The following MAPK10 variants were observed in gnomAD, a reference collection of about 807,000 sequenced individuals.
The protein encoded by MAPK10 is mitogen-activated protein kinase 10.
A neutral mutation model predicts 59.3 loss-of-function variants in MAPK10; 25 were observed. That is an observed-to-expected ratio of 0.42 (90% confidence interval 0.31 to 0.59). The LOEUF (loss-of-function observed/expected upper bound fraction) is 0.59, where lower values mean the gene tolerates loss of function less well. Among genes scored for constraint, MAPK10 ranks in the 20% least tolerant of loss-of-function variants. The pLI is 0.15. For missense variants in MAPK10, 351 were observed against 568.9 expected (o/e 0.62, Z 3.90); for synonymous variants, 190 against 200.5 (o/e 0.95, Z 0.44).
chr4:86,592,390 A>G (rs539740736), intron 1 of MAPK10, among the ~76,000 whole-genome samples: 1 of 152,148 alleles, frequency 6.6e-6, no homozygotes, highest in South Asian at 2.1e-4. Flanking sequence ...AAGAAAAGGA[A>G]AAAAGCTAAC....
intron 13 of MAPK10, chr4:86,020,439 G>A (rs1425802001): frequency 1.3e-5 from 2 of 152,322 alleles, no homozygotes; most frequent in African/African-American, 4.8e-5. Context: ...ATTTCTCTTG[G>A]GTATACACCT....
chr4:86,194,040 C>G (rs1266202842), intron 3 of MAPK10: 2 of 339,354 alleles, frequency 5.9e-6, no homozygotes, highest in Non-Finnish European at 1.1e-5. Flanking sequence ...TGAGGCGACA[C>G]CCCACCCTGC....
intron 1 of MAPK10, among the ~76,000 whole-genome samples, chr4:86,510,612 C>A (rs776039847): frequency 7.3e-5 from 11 of 151,422 alleles, no homozygotes; most frequent in Non-Finnish European, 1.5e-4. Context: ...TATAAATATA[C>A]ATGAATATAT....
At chr4:86,028,885 G>A in intron 13 of MAPK10, 1 of 377,920 alleles carries the variant, frequency 2.6e-6, no homozygotes, top group South Asian at 2.3e-5. Flanking sequence ...TGGTCAAAAG[G>A]GCATTATGGC....
chr4:86,549,957 G>T (rs1486182523), intron 1 of MAPK10, among the ~76,000 whole-genome samples: 1 of 152,110 alleles, frequency 6.6e-6, no homozygotes, highest in South Asian at 2.1e-4. Flanking sequence ...AATTTTTCAG[G>T]CCAGAAAATA....
At chr4:86,070,802 T>C (rs1392821741) in intron 9 of MAPK10, among the ~76,000 whole-genome samples, 1 of 151,930 alleles carries the variant, frequency 6.6e-6, no homozygotes, top group African/African-American at 2.4e-5. Context: ...TGTTGGACAT[T>C]TGGGTTGGTT....
intron 1 of MAPK10, among the ~76,000 whole-genome samples, chr4:86,475,650 G>T (rs1235535620): frequency 6.6e-6 from 1 of 152,144 alleles, no homozygotes; most frequent in East Asian, 1.9e-4. Context: ...ACCACATGGG[G>T]ACGCCTGCCT....
intron 3 of MAPK10, among the ~76,000 whole-genome samples, chr4:86,175,121 A>G (rs1355610808): frequency 1.3e-5 from 2 of 152,204 alleles, no homozygotes; most frequent in Non-Finnish European, 2.9e-5. Flanking sequence ...GAGTAGTAAT[A>G]ATAAATTTTA....
At chr4:86,513,772 A>G (rs1210923739) in intron 1 of MAPK10, among the ~76,000 whole-genome samples, 2 of 152,212 alleles carry the variant, frequency 1.3e-5, no homozygotes, top group African/African-American at 4.8e-5. Context: ...TTTTTGGAGA[A>G]GTATGACTCC....
At chr4:86,345,681 G>T (rs1564585438) in intron 2 of MAPK10, among the ~76,000 whole-genome samples, 1 of 152,022 alleles carries the variant, frequency 6.6e-6, no homozygotes, top group African/African-American at 2.4e-5. Flanking sequence ...TTCTAAACTC[G>T]AACAAACACT....
intron 2 of MAPK10, among the ~76,000 whole-genome samples, chr4:86,295,948 A>G (rs2095351511): frequency 6.6e-6 from 1 of 151,222 alleles, no homozygotes; most frequent in African/African-American, 2.4e-5. Flanking sequence ...GGCCAAAGCA[A>G]GCAGATCACC....
At chr4:86,050,096 T>C (rs1335267129) in intron 11 of MAPK10, among the ~76,000 whole-genome samples, 1 of 152,088 alleles carries the variant, frequency 6.6e-6, no homozygotes, top group African/African-American at 2.4e-5. Flanking sequence ...GGCTGCTTCC[T>C]TTGCCTACCA....
intron 2 of MAPK10, among the ~76,000 whole-genome samples, chr4:86,241,660 G>A (rs542087931): frequency 1.1e-3 from 168 of 152,140 alleles, no homozygotes; most frequent in African/African-American, 3.8e-3. Context: ...TTCTCCTGTT[G>A]TGTTTTTCAA....
intron 3 of MAPK10, among the ~76,000 whole-genome samples, chr4:86,165,357 A>T (rs1321358927): frequency 6.6e-6 from 1 of 151,970 alleles, no homozygotes; most frequent in Non-Finnish European, 1.5e-5. Flanking sequence ...TATGTATCAA[A>T]TTATTTACAT....
At chr4:86,188,739 T>G (rs2078904046) in intron 3 of MAPK10, among the ~76,000 whole-genome samples, 2 of 152,230 alleles carry the variant, frequency 1.3e-5, no homozygotes, top group Admixed American at 1.3e-4. Context: ...CAGAAGCTCT[T>G]TAGTTTAACT....
At chr4:86,411,309 G>T (rs1745143267) in intron 1 of MAPK10, among the ~76,000 whole-genome samples, 1 of 152,180 alleles carries the variant, frequency 6.6e-6, no homozygotes, top group South Asian at 2.1e-4. Context: ...GCTGAGGAGT[G>T]CTTTACTTCC....
intron 1 of MAPK10, among the ~76,000 whole-genome samples, chr4:86,570,717 T>G (rs573323943): frequency 6.6e-6 from 1 of 152,184 alleles, no homozygotes; most frequent in African/African-American, 2.4e-5. Flanking sequence ...TAACTTGAAG[T>G]AAGGAAGAAC....
At chr4:86,450,495 AC>A (rs1242929044) in intron 1 of MAPK10, among the ~76,000 whole-genome samples, 6 of 152,256 alleles carry the variant, frequency 3.9e-5, no homozygotes, top group Non-Finnish European at 2.9e-5. Context: ...TTAATTTATA[AC>A]TGAAAAATGG....
intron 3 of MAPK10, among the ~76,000 whole-genome samples, chr4:86,176,304 A>G (rs1196823431): frequency 6.6e-6 from 1 of 152,172 alleles, no homozygotes; most frequent in Admixed American, 6.5e-5. Context: ...TTACAAATTA[A>G]CCATACACTG....
Sources: gnomAD v4.1 joint callset for allele counts (sites outside exome capture counted in the v4.1 genomes callset) on GRCh38, gnomAD v4.1.1 for gene constraint, MANE v1.5 for transcripts, NCBI Gene and HGNC (gene_info 2026-07-23, HGNC 2026-07-21) for gene names.